The following PJA2 variants were observed in gnomAD, a reference collection of about 807,000 sequenced individuals.
PJA2 encodes E3 ubiquitin-protein ligase Praja-2.
A neutral mutation model predicts 69.3 loss-of-function variants in PJA2; 25 were observed. The observed-to-expected ratio is 0.36, with a 90% CI of 0.26 to 0.50. The LOEUF (loss-of-function observed/expected upper bound fraction) is 0.50. Among genes scored for constraint, PJA2 ranks in the 20% least tolerant of loss-of-function variants. PJA2 has a pLI of 0.96. For synonymous variants in PJA2, 308 were observed against 277.8 expected, an observed-to-expected ratio of 1.11 and a Z score of -1.08; for missense variants, 809 against 830.2, an observed-to-expected ratio of 0.97 and a Z score of 0.31.
At chr5:109,398,212 G>C (rs1747461510) in intron 1 of PJA2, among the ~76,000 whole-genome samples, 1 of 152,196 alleles carries the variant, frequency 6.6e-6, no homozygotes, top group African/African-American at 2.4e-5. Context: ...GTGGAAGACA[G>C]TGTGGTGATT....
At chr5:109,340,106 T>C (rs937717277) in intron 9 of PJA2, among the ~76,000 whole-genome samples, 3 of 152,234 alleles carry the variant, frequency 2.0e-5, no homozygotes, top group Non-Finnish European at 4.4e-5. Context: ...TGAAGACTGC[T>C]AGCTGGTCTT....
intron 1 of PJA2, among the ~76,000 whole-genome samples, chr5:109,396,731 T>C (rs1422279211): frequency 9.0e-6 from 1 of 111,256 alleles, no homozygotes; most frequent in Non-Finnish European, 1.6e-5. Flanking sequence ...GCCTAACATG[T>C]AAAGTTCTAA....
At chr5:109,350,112 CTCTT>C (rs1329790663) in intron 7 of PJA2, among the ~76,000 whole-genome samples, 1 of 152,124 alleles carries the variant, frequency 6.6e-6, no homozygotes, top group African/African-American at 2.4e-5. Flanking sequence ...GGTTCATTAT[CTCTT>C]TCTAATGATT....
chr5:109,337,046 TA>T lies in PJA2; in HGVS notation c.*184del, dbSNP rs1761956553. 2 of 415,070 alleles carry T rather than the reference TA, an allele frequency of 4.8e-6. No homozygotes were observed. Among genetic ancestry groups the T allele is most frequent in the African/African-American group, 2.1e-5 (1 of 47,462 alleles). 25.7% of individuals were successfully genotyped at this position (415,070 alleles called of 1,614,324 possible). On this transcript the variant is annotated 3_prime_UTR_variant, in exon 10 of 10. Coordinates refer to ENST00000361189, the MANE Select transcript of PJA2 (RefSeq NM_014819.5). ...GGATGCACTGTCTCAACATTCAGCT[TA>T]AAAATGTTTAATACTTTCTGCAAAC...
At chr5:109,380,045 A>G (rs1019596441) in intron 3 of PJA2, among the ~76,000 whole-genome samples, 1 of 148,368 alleles carries the variant, frequency 6.7e-6, no homozygotes, top group Non-Finnish European at 1.5e-5. Context: ...CGGCCATGAT[A>G]TATGGTACGA....
chr5:109,342,723 C>T (rs1473432749), intron 9 of PJA2, among the ~76,000 whole-genome samples: 17 of 136,376 alleles, frequency 1.2e-4, no homozygotes, highest in African/African-American at 4.7e-4. Flanking sequence ...CCCCCCCGCC[C>T]GGCCAGCCGC....
chr5:109,341,032 C>T (rs1470587183), intron 9 of PJA2, among the ~76,000 whole-genome samples: 4 of 146,352 alleles, frequency 2.7e-5, no homozygotes, highest in Non-Finnish European at 6.1e-5. Flanking sequence ...TCCCAAAGTG[C>T]CAAGATTGCA....
intron 4 of PJA2, among the ~76,000 whole-genome samples, chr5:109,369,460 T>C (rs1403374403): frequency 6.6e-6 from 1 of 152,204 alleles, no homozygotes; most frequent in Non-Finnish European, 1.5e-5. Flanking sequence ...TCTAAATAAA[T>C]TTTTAAATAC....
At chr5:109,368,840 C>T (rs1762627150) in intron 4 of PJA2, 94 bp from the exon 5 acceptor site, 1 of 1,283,574 alleles carries the variant, frequency 7.8e-7, no homozygotes, top group Non-Finnish European at 1.1e-6. Context: ...GATCTGTGTC[C>T]CCACCAAATC....
intron 1 of PJA2, among the ~76,000 whole-genome samples, chr5:109,407,572 A>C (rs1421773294): frequency 1.3e-5 from 2 of 152,144 alleles, no homozygotes; most frequent in African/African-American, 4.8e-5. Context: ...GTATAATTGC[A>C]AAAGCAATGA....
At chr5:109,394,423 T>G (rs1457375275) in intron 1 of PJA2, among the ~76,000 whole-genome samples, 3 of 152,226 alleles carry the variant, frequency 2.0e-5, no homozygotes, top group African/African-American at 7.2e-5. Flanking sequence ...ACACCCATTT[T>G]TATAAGCACA....
chr5:109,383,406 C>T lies in PJA2; in HGVS notation c.28G>A (p.Ala10Thr). The change falls in exon 2 of 10, where the codon GCA becomes ACA. Residue 10 changes from alanine (A) to threonine (T), a missense_variant. Around this residue, in one of 4 missense-constraint regions of PJA2, gnomAD observed 700 missense variants for 639.5 expected, o/e 1.09. Transcript: ENST00000361189. Reference protein sequence around the residue: MSQYTEKEPAAMDQESGKAV... With the variant: MSQYTEKEPTAMDQESGKAV... ...TAGAAGAACTGACTTTCCTTACCTG[C>T]TGGCTCCTTTTCAGTGTACTGTGAC... 6.2e-7 allele frequency: 1 copy of T among 1,613,348 alleles called. No homozygotes were observed. Among genetic ancestry groups the T allele is most frequent in the Non-Finnish European group, 8.5e-7 (1 of 1,179,492 alleles).
intron 9 of PJA2, among the ~76,000 whole-genome samples, chr5:109,342,718 C>A (rs1180991200): frequency 2.9e-5 from 4 of 135,804 alleles, no homozygotes; most frequent in East Asian, 2.3e-4. Context: ...GTCAGCCCCC[C>A]CGCCCGGCCA....
intron 5 of PJA2, among the ~76,000 whole-genome samples, chr5:109,366,111 G>A (rs1487629057): frequency 6.6e-6 from 1 of 151,896 alleles, no homozygotes; most frequent in South Asian, 2.1e-4. Context: ...TTGACATTTG[G>A]TGTACTACAT....
At chr5:109,375,427 G>A (rs1746839965) in intron 4 of PJA2, among the ~76,000 whole-genome samples, 1 of 152,044 alleles carries the variant, frequency 6.6e-6, no homozygotes. Context: ...AGAATCACTT[G>A]AACCTAGGAG....
intron 1 of PJA2, among the ~76,000 whole-genome samples, 158 bp downstream of exon 1, chr5:109,409,684 C>T (rs1747784780): frequency 6.6e-6 from 1 of 152,134 alleles, no homozygotes; most frequent in Non-Finnish European, 1.5e-5. Flanking sequence ...CAACCCCACC[C>T]ACCATGGCCG....
At chr5:109,407,066 G>T (rs1342449413) in intron 1 of PJA2, among the ~76,000 whole-genome samples, 1 of 152,160 alleles carries the variant, frequency 6.6e-6, no homozygotes, top group Non-Finnish European at 1.5e-5. Flanking sequence ...AGGGAACTTT[G>T]GGGGAGATGA....
intron 2 of PJA2, among the ~76,000 whole-genome samples, chr5:109,382,203 G>C (rs913100994): frequency 6.6e-6 from 1 of 152,086 alleles, no homozygotes; most frequent in African/African-American, 2.4e-5. Context: ...TCTGTACCAT[G>C]AAGAATCAAC....
At chr5:109,358,590 G>A (rs1762457350) in intron 6 of PJA2, among the ~76,000 whole-genome samples, 1 of 152,144 alleles carries the variant, frequency 6.6e-6, no homozygotes. Flanking sequence ...AGGCCGAGGT[G>A]GGCGGATCAC....
Sources: allele counts gnomAD v4.1 joint callset (sites outside exome capture counted in the v4.1 genomes callset), GRCh38; gene constraint gnomAD v4.1.1; regional missense constraint gnomAD v4.1.1; transcripts MANE v1.5; gene names NCBI Gene and HGNC (gene_info 2026-07-23, HGNC 2026-07-21).